The following FYN variants were observed in gnomAD, a reference collection of about 807,000 sequenced individuals.
The protein encoded by FYN is FYN proto-oncogene, Src family tyrosine kinase, also known as tyrosine-protein kinase Fyn.
Under a neutral mutation model 70.2 loss-of-function variants are expected in FYN, and 10 were observed. The observed-to-expected ratio is 0.14, with a 90% CI of 0.09 to 0.24. The LOEUF (loss-of-function observed/expected upper bound fraction) is 0.24. Among genes scored for constraint, FYN ranks in the 10% least tolerant of loss-of-function variants. The pLI, the probability that FYN is intolerant of heterozygous loss-of-function variation, is 1.00. For synonymous variants in FYN, 236 were observed against 248.6 expected (o/e 0.95, Z 0.48); for missense variants, 319 against 673.1 (o/e 0.47, Z 5.82).
At chr6:111,734,354 A>C (rs542708264) in intron 3 of FYN, among the ~76,000 whole-genome samples, 15 of 152,206 alleles carry the variant, frequency 9.9e-5, no homozygotes, top group Non-Finnish European at 2.1e-4. Flanking sequence ...GAGAAGGTAC[A>C]TTATGAGAGT....
intron 3 of FYN, among the ~76,000 whole-genome samples, chr6:111,755,266 A>G (rs1802675321): frequency 6.6e-6 from 1 of 152,198 alleles, no homozygotes; most frequent in Non-Finnish European, 1.5e-5. Flanking sequence ...AGGGCTTCTG[A>G]GAAACTGGAT....
intron 2 of FYN, among the ~76,000 whole-genome samples, chr6:111,831,645 A>G (rs1021711320): frequency 6.6e-6 from 1 of 152,210 alleles, no homozygotes; most frequent in African/African-American, 2.4e-5. Flanking sequence ...TTATGTTACT[A>G]TAAATAAATG....
At chr6:111,827,601 G>C (rs1027030599) in intron 2 of FYN, among the ~76,000 whole-genome samples, 1 of 152,154 alleles carries the variant, frequency 6.6e-6, no homozygotes, top group African/African-American at 2.4e-5. Context: ...GGGGGTATAC[G>C]ACAGCTTTTT....
intron 12 of FYN, among the ~76,000 whole-genome samples, chr6:111,689,129 G>A (rs1381518415): frequency 6.6e-6 from 1 of 152,152 alleles, no homozygotes; most frequent in Non-Finnish European, 1.5e-5. Context: ...GCCCATGTAA[G>A]TTTCACACTA....
intron 3 of FYN, among the ~76,000 whole-genome samples, chr6:111,735,454 C>A (rs1322446168): frequency 6.6e-6 from 1 of 152,210 alleles, no homozygotes; most frequent in Non-Finnish European, 1.5e-5. Context: ...TTATCATCAT[C>A]ATCAATGAAG....
At chr6:111,699,903 CACTT>C (rs1282334296) in intron 9 of FYN, 197 bp downstream of exon 9, 1 of 655,148 alleles carries the variant, frequency 1.5e-6, no homozygotes, top group African/African-American at 1.9e-5. Context: ...CAATTTTGCC[CACTT>C]ACTATCTTTT....
intron 3 of FYN, among the ~76,000 whole-genome samples, chr6:111,722,059 T>C (rs1800976089): frequency 6.6e-6 from 1 of 152,174 alleles, no homozygotes; most frequent in African/African-American, 2.4e-5. Flanking sequence ...AGGTGCCATA[T>C]CAGAAGAGTG....
At chr6:111,674,728 G>A in intron 12 of FYN, 98 bp from the exon 13 acceptor site, 2 of 1,375,578 alleles carry the variant, frequency 1.5e-6, no homozygotes, top group Non-Finnish European at 2.0e-6. Context: ...TTTCCTGAGA[G>A]CAGGTTTAGA....
At chr6:111,838,865 G>T (rs1773267863) in intron 2 of FYN, among the ~76,000 whole-genome samples, 2 of 152,176 alleles carry the variant, frequency 1.3e-5, no homozygotes, top group Non-Finnish European at 2.9e-5. Flanking sequence ...TACAAGTTCT[G>T]CCAGTGATCC....
intron 10 of FYN, among the ~76,000 whole-genome samples, chr6:111,695,727 C>T (rs1799544634): frequency 1.3e-5 from 2 of 152,132 alleles, no homozygotes; most frequent in Admixed American, 6.6e-5. Flanking sequence ...GGCCTTATCC[C>T]TAACAATGCT....
At chr6:111,730,499 C>T (rs1325962315) in intron 3 of FYN, among the ~76,000 whole-genome samples, 2 of 152,190 alleles carry the variant, frequency 1.3e-5, no homozygotes, top group Non-Finnish European at 2.9e-5. Flanking sequence ...ATGAAGACCA[C>T]GCATGGGCTT....
At chr6:111,843,586 C>CTGT (rs1185486801) in intron 2 of FYN, among the ~76,000 whole-genome samples, 1 of 152,146 alleles carries the variant, frequency 6.6e-6, no homozygotes, top group Non-Finnish European at 1.5e-5. Context: ...TAAGAATGAT[C>CTGT]TGTTCATTTG....
At chr6:111,871,256 T>A (rs958032912) in intron 1 of FYN, among the ~76,000 whole-genome samples, 22 of 152,374 alleles carry the variant, frequency 1.4e-4, no homozygotes, top group African/African-American at 5.3e-4. Context: ...CAAGATTCTC[T>A]ACAGCCCCAG....
rs1349795944 is a variant in FYN, at chr6:111,714,416, T to C, written c.275A>G (p.Asp92Gly). The change falls in exon 5 of 14, where the codon GAC becomes GGC. Residue 92 changes from aspartate (D) to glycine (G), a missense_variant. Physicochemically the swap from Asp to Gly is moderately conservative, Grantham distance 94 (BLOSUM62 -1). This residue lies in a region of FYN where 128 missense variants were observed against 183.9 expected (regional missense o/e 0.70). Transcript: ENST00000354650. ...GTCATCTTCTGTCCGTGCTTCATAG[T>C]CATAAAGGGCCACAAAGAGTGTCAC... Reference protein sequence around the residue: ...TGVTLFVALYDYEARTEDDLS... With the variant: ...TGVTLFVALYGYEARTEDDLS... 1 of 1,614,102 alleles carries C rather than the reference T, an allele frequency of 6.2e-7. No individual in the cohort carries two copies. Among genetic ancestry groups the C allele is most frequent in the Admixed American group, 1.7e-5 (1 of 60,018 alleles).
chr6:111,704,653 C>T (rs747731573), intron 6 of FYN, among the ~76,000 whole-genome samples: 6 of 152,018 alleles, frequency 3.9e-5, no homozygotes, highest in Non-Finnish European at 7.4e-5. Context: ...ACTCGGGAGG[C>T]TGAGGCAGGA....
intron 10 of FYN, among the ~76,000 whole-genome samples, chr6:111,695,183 C>T (rs57719281): frequency 0.12 from 18,807 of 152,174 alleles, 2,298 homozygotes; most frequent in African/African-American, 0.31. Flanking sequence ...TCGAGTAAAT[C>T]AGAAACTTTG....
At chr6:111,861,511 C>G (rs933346672) in intron 1 of FYN, among the ~76,000 whole-genome samples, 1 of 152,056 alleles carries the variant, frequency 6.6e-6, no homozygotes, top group Admixed American at 6.5e-5. Flanking sequence ...CACTGCTTCT[C>G]GAAGATCACA....
Position 111,661,756 on chromosome 6 carries a change from G to T in FYN, c.1597C>A (p.Pro533Thr). 6.2e-7 allele frequency: 1 copy of T among 1,614,140 alleles called. No homozygotes were observed. The highest frequency in any genetic ancestry group is 8.5e-7 in the Non-Finnish European group (1 of 1,179,976). Reference sequence around the variant, plus strand: ...CCCGGGCCTTACAGGTTTTCACCAGGTTGGTACTGGGGCTCTGTCGCGGTA... The same window carrying T: ...CCCGGGCCTTACAGGTTTTCACCAGTTTGGTACTGGGGCTCTGTCGCGGTA... ...YFTATEPQYQ[P>T]GENL Residue 533 changes from proline to threonine, a missense_variant, in exon 14 of 14, where the codon CCT (proline) becomes ACT (threonine). Coordinates refer to ENST00000354650, the MANE Select transcript of FYN (RefSeq NM_002037.5). This position sits in a 1 kb window ranked among gnomAD's most constrained non-coding sequence, Gnocchi z 4.0.
intron 12 of FYN, among the ~76,000 whole-genome samples, chr6:111,685,849 C>T (rs910714209): frequency 6.6e-6 from 1 of 152,156 alleles, no homozygotes; most frequent in Non-Finnish European, 1.5e-5. Flanking sequence ...ACACAGAATA[C>T]AAAATGGGAC....
Sources: allele counts gnomAD v4.1 joint callset (sites outside exome capture counted in the v4.1 genomes callset), GRCh38; gene constraint gnomAD v4.1.1; regional missense constraint gnomAD v4.1.1; non-coding constraint Gnocchi (gnomAD v3.1); transcripts MANE v1.5; gene names NCBI Gene and HGNC (gene_info 2026-07-23, HGNC 2026-07-21).